MAP2K5: variants seen among roughly 807,000 people sequenced by gnomAD.
MAP2K5 encodes the protein dual specificity mitogen-activated protein kinase kinase 5.
A neutral mutation model predicts 83.1 loss-of-function variants in MAP2K5; 49 were observed. That is an observed-to-expected ratio of 0.59 (90% CI 0.47 to 0.75). The LOEUF is 0.75. Ranked by LOEUF, MAP2K5 falls within the 30% of genes least tolerant of loss-of-function variation. The probability of loss-of-function intolerance (pLI) is 0.00; values close to 1 mark genes in which losing one functional copy is unlikely to be tolerated. For synonymous variants in MAP2K5, 202 were observed against 191.8 expected (o/e 1.05, Z -0.44); for missense variants, 457 against 557.5 (o/e 0.82, Z 1.82).
In MAP2K5 at chr15:67,769,744, G is replaced by A; in HGVS notation, c.1196+81G>A. On this transcript the variant is annotated intron_variant, in intron 20 of 21. Coordinates refer to ENST00000178640, the MANE Select transcript of MAP2K5 (RefSeq NM_145160.3). This position sits in a 1 kb window ranked among gnomAD's most constrained non-coding sequence, Gnocchi z 5.2. ...CTCGGCAGCTCCGTGAGACCTTATG[G>A]CTCTCCCTGCATCCTTTTGGAGACA... 1 of 1,383,450 alleles carries A rather than the reference G, an allele frequency of 7.2e-7. No homozygotes were observed. The highest frequency in any genetic ancestry group is 1.0e-6 in the Non-Finnish European group (1 of 977,338). The allele number at this position is 1,383,450 out of a possible 1,614,324, so 85.7% of individuals were successfully genotyped here. A position where few individuals can be genotyped will look rare whatever the true frequency, so the allele number is the denominator to read the frequency against.
At position 67,637,178 on chromosome 15, in the gene MAP2K5, G is replaced by C. The variant is rs1257088882; in HGVS notation, c.585+6251G>C. 2.0e-5 allele frequency among the ~76,000 whole-genome samples: 3 copies of C among 152,134 alleles called. No homozygotes were observed. Among genetic ancestry groups the C allele is most frequent in the Non-Finnish European group, 4.4e-5 (3 of 68,026 alleles). On this transcript the variant is annotated intron_variant, in intron 9 of 21. Transcript: ENST00000178640. This position sits in a 1 kb window ranked among gnomAD's most constrained non-coding sequence, Gnocchi z 4.5. ...TTTTCAGACTTGGACTGGCTTCCTT[G>C]CTCCTCAGCTTGCAGATGGCCTATT... is the stretch of plus-strand genomic sequence containing the variant.
At chr15:67,792,583 C>T (rs1164949928) in intron 21 of MAP2K5, among the ~76,000 whole-genome samples, 2 of 152,172 alleles carry the variant, frequency 1.3e-5, no homozygotes, top group African/African-American at 4.8e-5. Flanking sequence ...CCTACCTGAC[C>T]TTGCAACTAC....
At position 67,657,669 on chromosome 15, in the gene MAP2K5, G is replaced by A. The variant is rs186758499; in HGVS notation, c.737-884G>A. Among the ~76,000 whole-genome samples the A allele has an allele frequency of 6.6e-4, 100 of 151,548 alleles. 1 individual carries two copies. The East Asian group carries it at 7.4e-3, about 11-fold the overall frequency. ...AACTACAAGCAAAGTTTAACTAAGA[G>A]TGATCATTTTTCTCTATCTGCTTTA... is the stretch of plus-strand genomic sequence containing the variant. On this transcript the variant is annotated intron_variant, in intron 11 of 21. Transcript: ENST00000178640.
In MAP2K5 at chr15:67,610,590, G is replaced by T. The variant is rs567416122; in HGVS notation, c.545+9841G>T. On this transcript the variant is annotated intron_variant, in intron 8 of 21. Transcript: ENST00000178640. ...GGAAAGTCCAAAAGGCATTTACCGCGTATAACTTTCTGCCACAGTTTTTTT... is the reference window on the plus strand; with the variant it reads ...GGAAAGTCCAAAAGGCATTTACCGCTTATAACTTTCTGCCACAGTTTTTTT... Among the ~76,000 whole-genome samples, 4 of 152,150 alleles carry T rather than the reference G, an allele frequency of 2.6e-5. No homozygotes were observed. In the East Asian group the frequency reaches 7.7e-4, roughly 29 times the overall value.
At position 67,769,666 on chromosome 15, in the gene MAP2K5, G is replaced by T; in HGVS notation, c.1196+3G>T. 6.2e-7 allele frequency: 1 copy of T among 1,613,590 alleles called. No homozygotes were observed. Among genetic ancestry groups the T allele is most frequent in the Non-Finnish European group, 8.5e-7 (1 of 1,179,668 alleles). On this transcript the variant is annotated splice_donor_region_variant and intron_variant, in intron 20 of 21. Transcript: ENST00000178640. The surrounding 1 kb of genome is among the most constrained non-coding windows in gnomAD (Gnocchi z 5.2). ...TTTGTACATTTCATCACTCAGTGGT[G>T]AGCCCGTTTACAAACATGCCATGCC...
chr15:67,689,626 C>T (rs888615414), intron 13 of MAP2K5, among the ~76,000 whole-genome samples: 2 of 152,192 alleles, frequency 1.3e-5, no homozygotes, highest in Middle Eastern at 3.4e-3. Flanking sequence ...AAAAGTCATA[C>T]AGTAGGCTTA....
rs779841508 is a variant in MAP2K5, at chr15:67,572,975, C to T, written c.253-7779C>T. Among the ~76,000 whole-genome samples the T allele has an allele frequency of 3.3e-5, 5 of 152,126 alleles. No homozygotes were observed. The highest frequency in any genetic ancestry group is 2.1e-4 in the South Asian group (1 of 4,826). On this transcript the variant is annotated intron_variant, in intron 3 of 21. Transcript: ENST00000178640. This position sits in a 1 kb window ranked among gnomAD's most constrained non-coding sequence, Gnocchi z 4.2. ...CCTGCCAAAGTGCTGGGATTACAGG[C>T]GTGAGCCACCGTGCCTGGCCTGATA...
chr15:67,630,208 T>C (rs2086437117), intron 8 of MAP2K5, among the ~76,000 whole-genome samples: 1 of 152,204 alleles, frequency 6.6e-6, no homozygotes. Flanking sequence ...TGTTCCAGCC[T>C]AGGTGTCAGA....
At chr15:67,553,805 C>G (rs920908180) in intron 2 of MAP2K5, among the ~76,000 whole-genome samples, 1 of 144,550 alleles carries the variant, frequency 6.9e-6, no homozygotes, top group South Asian at 2.3e-4. Context: ...CCCAGCTACT[C>G]GGGAGGCTGA....
At chr15:67,615,223 C>A (rs1360557743) in intron 8 of MAP2K5, among the ~76,000 whole-genome samples, 2 of 152,148 alleles carry the variant, frequency 1.3e-5, no homozygotes, top group African/African-American at 4.8e-5. Flanking sequence ...ATCTCGAACT[C>A]CTGACCTCAG....
In MAP2K5 at chr15:67,690,459, G is replaced by A. The variant is rs953129109; in HGVS notation, c.848-2020G>A. ...AAGGTTTAATATGATGATGGTATAAGAATTATGTTGAAAAATTAGAGAAAA... is the reference window on the plus strand; with the variant it reads ...AAGGTTTAATATGATGATGGTATAAAAATTATGTTGAAAAATTAGAGAAAA... On this transcript the variant is annotated intron_variant, in intron 13 of 21. Transcript: ENST00000178640. This position sits in a 1 kb window ranked among gnomAD's most constrained non-coding sequence, Gnocchi z 4.3. Among the ~76,000 whole-genome samples the A allele has an allele frequency of 6.6e-6, 1 of 151,930 alleles. No homozygotes were observed. Among genetic ancestry groups the A allele is most frequent in the Admixed American group, 6.6e-5 (1 of 15,264 alleles).
At chr15:67,599,685 A>ATTT (rs10665135) in intron 7 of MAP2K5, among the ~76,000 whole-genome samples, 117,556 of 148,382 alleles carry the variant, frequency 0.79, 47,867 homozygotes, top group Middle Eastern at 0.9. Context: ...CTGGAAATTG[A>ATTT]TTTTTTTTTT....
chr15:67,599,662 G>A (rs111610342), intron 7 of MAP2K5, among the ~76,000 whole-genome samples: 1,749 of 147,406 alleles, frequency 0.012, 43 homozygotes, highest in African/African-American at 0.041. Context: ...CCCATGCAAG[G>A]CAGTGCAATT....
rs761445090 is a variant in MAP2K5, at chr15:67,600,801, T to G, written c.545+52T>G. Reference sequence around the variant, plus strand: ...TCTATCCGCTTTTCCAAATACTGAGTATCCAAGTTCTCTGTGGCAAAGATT... The same window carrying G: ...TCTATCCGCTTTTCCAAATACTGAGGATCCAAGTTCTCTGTGGCAAAGATT... On this transcript the variant is annotated intron_variant, in intron 8 of 21. Coordinates refer to ENST00000178640, the MANE Select transcript of MAP2K5 (RefSeq NM_145160.3). 1.0e-5 allele frequency: 14 copies of G among 1,356,072 alleles called. 1 individual carries two copies. The highest frequency in any genetic ancestry group is 1.4e-5 in the Non-Finnish European group (14 of 970,716). 84.0% of individuals were successfully genotyped at this position (1,356,072 alleles called of 1,614,324 possible). A position where few individuals can be genotyped will look rare whatever the true frequency, so the allele number is the denominator to read the frequency against.
At chr15:67,784,064 AG>A (rs1335232245) in intron 21 of MAP2K5, among the ~76,000 whole-genome samples, 34 of 152,344 alleles carry the variant, frequency 2.2e-4, no homozygotes, top group African/African-American at 7.9e-4. Context: ...TTATATAGAG[AG>A]AAATGGATCT....
intron 1 of MAP2K5, among the ~76,000 whole-genome samples, chr15:67,547,826 G>T (rs1054887065): frequency 2.6e-5 from 4 of 152,176 alleles, no homozygotes; most frequent in Non-Finnish European, 5.9e-5. Flanking sequence ...GAAGAAGGCC[G>T]CTTGGAAATA....
chr15:67,737,113 C>T (rs1327856829), intron 17 of MAP2K5, among the ~76,000 whole-genome samples: 1 of 152,156 alleles, frequency 6.6e-6, no homozygotes, highest in Admixed American at 6.5e-5. Flanking sequence ...TCTAAATGGC[C>T]GTCCTTATTT....
intron 19 of MAP2K5, among the ~76,000 whole-genome samples, chr15:67,751,513 A>G (rs1691793092): frequency 6.6e-6 from 1 of 152,194 alleles, no homozygotes; most frequent in African/African-American, 2.4e-5. Context: ...ATGTGTGTCT[A>G]TGTGTACCTG....
In MAP2K5 at chr15:67,793,693, G is replaced by A. The variant is rs1371119129; in HGVS notation, c.1243-12953G>A. On this transcript the variant is annotated intron_variant, in intron 21 of 21. Transcript: ENST00000178640. The surrounding 1 kb of genome is among the most constrained non-coding windows in gnomAD (Gnocchi z 4.6). ...GGGTGTCAAAGTATAGTGGTCTATA[G>A]ATTGTAAAGTGCCCCTAGATTTGGA... 6.6e-6 allele frequency among the ~76,000 whole-genome samples: 1 copy of A among 152,214 alleles called. No homozygotes were observed. Among genetic ancestry groups the A allele is most frequent in the Non-Finnish European group, 1.5e-5 (1 of 68,028 alleles).
Sources: allele counts gnomAD v4.1 joint callset (sites outside exome capture counted in the v4.1 genomes callset), GRCh38; gene constraint gnomAD v4.1.1; non-coding constraint Gnocchi (gnomAD v3.1); transcripts MANE v1.5; gene names NCBI Gene and HGNC (gene_info 2026-07-23, HGNC 2026-07-21).